The following SORCS1 variants were observed in gnomAD, a reference collection of about 807,000 sequenced individuals.
SORCS1 encodes the protein sortilin related VPS10 domain containing receptor 1.
SORCS1 carries 60 observed loss-of-function variants against 146.1 expected under a neutral mutation model. That is an observed-to-expected ratio of 0.41 (90% CI 0.33 to 0.51). SORCS1 has a LOEUF of 0.51. SORCS1 is among the 20% of genes least tolerant of loss of function. SORCS1 has a pLI of 0.21. For missense variants in SORCS1, 1,352 were observed against 1,487.6 expected (o/e 0.91, Z 1.50); for synonymous variants, 637 against 584.0 (o/e 1.09, Z -1.31).
At chr10:107,076,894 T>C (rs568189704) in intron 1 of SORCS1, among the ~76,000 whole-genome samples, 2 of 152,284 alleles carry the variant, frequency 1.3e-5, no homozygotes, top group African/African-American at 4.8e-5. Context: ...ATCATGAGAA[T>C]AGTTAGTGTG....
intron 5 of SORCS1, among the ~76,000 whole-genome samples, chr10:106,750,903 TA>T (rs1858150517): frequency 7.1e-6 from 1 of 140,518 alleles, no homozygotes; most frequent in Non-Finnish European, 1.6e-5. Context: ...ACTAAAAATA[TA>T]AAAAAATCAG....
intron 16 of SORCS1, among the ~76,000 whole-genome samples, chr10:106,669,185 T>C (rs1368739494): frequency 6.6e-6 from 1 of 152,080 alleles, no homozygotes; most frequent in Non-Finnish European, 1.5e-5. Context: ...AGAAATCTAA[T>C]TGCCTTCCTT....
At chr10:106,664,631 G>A (rs1169682667) in intron 17 of SORCS1, among the ~76,000 whole-genome samples, 2 of 152,230 alleles carry the variant, frequency 1.3e-5, no homozygotes, top group Non-Finnish European at 2.9e-5. Context: ...AACAGAGTGA[G>A]ACTCCATCTC....
rs1491074727 is a variant in SORCS1 at position 106,581,320 on chromosome 10, CAT to C, written c.3266-1848_3266-1847del. ...CAAGACTTGAACCTGAATCGTCATA[CAT>C]ACACACACACACACACACACACACA... On this transcript the variant is annotated intron_variant, in intron 24 of 25. Coordinates refer to ENST00000263054, the MANE Select transcript of SORCS1 (RefSeq NM_052918.5). 1.3e-3 allele frequency among the ~76,000 whole-genome samples: 167 copies of C among 126,068 alleles called. 1 individual carries two copies. The highest frequency in any genetic ancestry group is 2.3e-3 in the Admixed American group (28 of 12,042). The allele number at this position is 126,068 out of a possible 152,430, so 82.7% of individuals were successfully genotyped here. A position where few individuals can be genotyped will look rare whatever the true frequency, so the allele number is the denominator to read the frequency against.
chr10:106,811,067 G>A (rs370360470), intron 3 of SORCS1, among the ~76,000 whole-genome samples: 43 of 151,852 alleles, frequency 2.8e-4, no homozygotes, highest in African/African-American at 1.0e-3. Context: ...AGCCTCCCAA[G>A]TAGCTGGGAT....
intron 1 of SORCS1, among the ~76,000 whole-genome samples, chr10:106,997,857 C>T (rs1038087511): frequency 1.3e-5 from 2 of 152,192 alleles, no homozygotes; most frequent in African/African-American, 4.8e-5. Context: ...GCTCCTTCTC[C>T]ACCACCTCCC....
At chr10:107,148,171 A>C (rs920878734) in intron 1 of SORCS1, among the ~76,000 whole-genome samples, 1 of 152,164 alleles carries the variant, frequency 6.6e-6, no homozygotes, top group Non-Finnish European at 1.5e-5. Context: ...GGTCCAAAAA[A>C]CACTCTCAAG....
At chr10:106,863,241 G>A (rs1950090836) in intron 2 of SORCS1, among the ~76,000 whole-genome samples, 1 of 152,076 alleles carries the variant, frequency 6.6e-6, no homozygotes, top group African/African-American at 2.4e-5. Context: ...TGCTTACAGA[G>A]GGCTGGGCAC....
At chr10:107,151,882 A>G (rs569191940) in intron 1 of SORCS1, among the ~76,000 whole-genome samples, 1 of 152,342 alleles carries the variant, frequency 6.6e-6, no homozygotes, top group Non-Finnish European at 1.5e-5. Flanking sequence ...AGAAAGTGGC[A>G]TAAGTAACAA....
chr10:106,991,476 G>A (rs1956769347), intron 1 of SORCS1, among the ~76,000 whole-genome samples: 1 of 152,144 alleles, frequency 6.6e-6, no homozygotes, highest in East Asian at 1.9e-4. Context: ...AATTATAGTG[G>A]GCAATTCTTA....
Position 106,765,338 on chromosome 10 carries a change from T to A in SORCS1, c.886-3677A>T, listed in dbSNP as rs1859484123. The stretch of plus-strand genomic sequence containing the variant: ...ATGCTACTCTGGGGCTATTAGCACT[T>A]CTCTCTCTATCCTGACATGTTCCTC... On this transcript the variant is annotated intron_variant, in intron 4 of 25. Coordinates refer to ENST00000263054, the MANE Select transcript of SORCS1 (RefSeq NM_052918.5). Among the ~76,000 whole-genome samples, 4 of 151,924 alleles carry A rather than the reference T, an allele frequency of 2.6e-5. No homozygotes were observed. In the South Asian group the frequency reaches 8.3e-4, roughly 32 times the overall value.
chr10:106,591,705 A>G (rs1466675551), intron 24 of SORCS1, among the ~76,000 whole-genome samples: 2 of 152,356 alleles, frequency 1.3e-5, no homozygotes, highest in Non-Finnish European at 2.9e-5. Flanking sequence ...GAGTGATTCA[A>G]AAGGTGATGG....
chr10:106,915,437 CT>C (rs1952372808), intron 2 of SORCS1, among the ~76,000 whole-genome samples: 1 of 152,098 alleles, frequency 6.6e-6, no homozygotes, highest in Admixed American at 6.6e-5. Context: ...CCTCTTCGAC[CT>C]TTCAAAATGC....
chr10:106,955,561 T>A (rs1227531221), intron 2 of SORCS1, among the ~76,000 whole-genome samples: 1 of 152,188 alleles, frequency 6.6e-6, no homozygotes, highest in African/African-American at 2.4e-5. Context: ...AAATCCTGTA[T>A]CATTTCCATA....
chr10:107,128,791 A>G (rs1200758508), intron 1 of SORCS1, among the ~76,000 whole-genome samples: 1 of 152,170 alleles, frequency 6.6e-6, no homozygotes, highest in African/African-American at 2.4e-5. Context: ...ATTAACATCA[A>G]TTCTTTGGCA....
chr10:107,160,322 G>A (rs1022434030), intron 1 of SORCS1, among the ~76,000 whole-genome samples: 1 of 152,176 alleles, frequency 6.6e-6, no homozygotes, highest in South Asian at 2.1e-4. Flanking sequence ...TTCTGCCACT[G>A]ACCTCCTGTG....
chr10:106,898,601 G>A (rs994465528), intron 2 of SORCS1, among the ~76,000 whole-genome samples: 1 of 152,172 alleles, frequency 6.6e-6, no homozygotes, highest in Non-Finnish European at 1.5e-5. Flanking sequence ...TAGCTGTCAG[G>A]GTGCAAATCT....
At chr10:106,918,993 C>T (rs933899935) in intron 2 of SORCS1, among the ~76,000 whole-genome samples, 3 of 152,106 alleles carry the variant, frequency 2.0e-5, no homozygotes, top group Non-Finnish European at 4.4e-5. Flanking sequence ...TGCACCACCA[C>T]ACCCAGCTAA....
rs1392653648 is a variant in SORCS1 at position 107,119,203 on chromosome 10, C to A, written c.558+44766G>T. ...CACTGCAGATTTTGAAGTACACTTT[C>A]AAAACTGCAAAAGAATTGGTAAGGG... On this transcript the variant is annotated intron_variant, in intron 1 of 25. Transcript: ENST00000263054. Among the ~76,000 whole-genome samples, 3 of 152,142 alleles carry A rather than the reference C, an allele frequency of 2.0e-5. No individual in the cohort carries two copies. The East Asian group carries it at 5.8e-4, about 29-fold the overall frequency.
Sources: gnomAD v4.1 joint callset for allele counts (sites outside exome capture counted in the v4.1 genomes callset) on GRCh38, gnomAD v4.1.1 for gene constraint, MANE v1.5 for transcripts, NCBI Gene and HGNC (gene_info 2026-07-23, HGNC 2026-07-21) for gene names.